GSE1: variants seen among roughly 807,000 people sequenced by gnomAD.
GSE1 encodes the protein Gse1 coiled-coil protein, also known as genetic suppressor element 1.
A neutral mutation model predicts 112.6 loss-of-function variants in GSE1; 32 were observed. The observed-to-expected ratio is 0.28, with a 90% confidence interval of 0.21 to 0.38. The LOEUF is 0.38. Among genes scored for constraint, GSE1 ranks in the 10% least tolerant of loss-of-function variants. The probability of loss-of-function intolerance (pLI) is 1.00; values close to 1 mark genes in which losing one functional copy is unlikely to be tolerated. For synonymous variants in GSE1, 1,115 were observed against 735.6 expected (o/e 1.52, Z -8.35); for missense variants, 2,348 against 1,699.2 (o/e 1.38, Z -6.71).
intron 1 of GSE1, among the ~76,000 whole-genome samples, chr16:85,180,792 G>T (rs904255661): frequency 1.5e-4 from 23 of 152,168 alleles, no homozygotes; most frequent in Admixed American, 1.2e-3. Context: ...AAGGTAGATG[G>T]GGTCAGGAAG....
intron 2 of GSE1, among the ~76,000 whole-genome samples, chr16:85,488,661 C>T (rs552533118): frequency 3.7e-4 from 56 of 152,180 alleles, no homozygotes; most frequent in Non-Finnish European, 6.5e-4. Flanking sequence ...TTCCGGAGGT[C>T]ATGAAGTTGG....
At chr16:85,347,047 T>C (rs1427629914) in intron 1 of GSE1, among the ~76,000 whole-genome samples, 1 of 152,086 alleles carries the variant, frequency 6.6e-6, no homozygotes, top group Non-Finnish European at 1.5e-5. Flanking sequence ...GTCAGAACTT[T>C]GGTAAGGGGT....
chr16:85,394,075 C>T (rs1449878169), intron 2 of GSE1, among the ~76,000 whole-genome samples: 1 of 152,178 alleles, frequency 6.6e-6, no homozygotes, highest in East Asian at 1.9e-4. Context: ...TTCGGGCTCA[C>T]TGCTGGCTCC....
intron 2 of GSE1, among the ~76,000 whole-genome samples, chr16:85,543,517 C>T (rs1010464202): frequency 6.6e-6 from 1 of 152,174 alleles, no homozygotes; most frequent in African/African-American, 2.4e-5. Flanking sequence ...TGCATGAGCC[C>T]TGCTGGGGGG....
At chr16:85,500,893 G>GCACGTGGCT (rs1567540225) in intron 2 of GSE1, among the ~76,000 whole-genome samples, 1 of 151,650 alleles carries the variant, frequency 6.6e-6, no homozygotes, top group African/African-American at 2.4e-5. Flanking sequence ...GCCTCTGTCA[G>GCACGTGGCT]CACGTGGCTG....
chr16:85,315,091 G>C (rs1405910103), intron 1 of GSE1, among the ~76,000 whole-genome samples: 2 of 152,188 alleles, frequency 1.3e-5, no homozygotes, highest in African/African-American at 2.4e-5. Context: ...ATATTTGGGA[G>C]TGCCCCACCC....
chr16:85,396,133 C>G (rs1399681793), intron 2 of GSE1, among the ~76,000 whole-genome samples: 1 of 152,240 alleles, frequency 6.6e-6, no homozygotes. Context: ...GGAAAACTCA[C>G]TGGGACCCCA....
chr16:85,484,536 G>A (rs1389373817), intron 2 of GSE1, among the ~76,000 whole-genome samples: 4 of 152,236 alleles, frequency 2.6e-5, no homozygotes, highest in Non-Finnish European at 5.9e-5. Context: ...CCAGGGAGAC[G>A]CCTCCGCGAC....
intron 2 of GSE1, among the ~76,000 whole-genome samples, chr16:85,503,010 G>A (rs1392334063): frequency 2.0e-5 from 3 of 152,226 alleles, no homozygotes; most frequent in South Asian, 2.1e-4. Context: ...GCTGGGAAAG[G>A]CCCCATGAGG....
intron 2 of GSE1, among the ~76,000 whole-genome samples, chr16:85,452,910 T>TC (rs149407577): frequency 0.034 from 5,174 of 152,104 alleles, 301 homozygotes; most frequent in African/African-American, 0.12. Flanking sequence ...GGGTGGTCGC[T>TC]CGGTGCCTCC....
At chr16:85,283,089 G>C (rs954467630) in intron 1 of GSE1, 5 of 152,716 alleles carry the variant, frequency 3.3e-5, no homozygotes, top group Admixed American at 2.0e-4. Context: ...CTCCAAAGTG[G>C]GCCTCTGCAC....
intron 1 of GSE1, among the ~76,000 whole-genome samples, chr16:85,208,947 C>CT (rs2075172030): frequency 6.9e-6 from 1 of 145,288 alleles, no homozygotes; most frequent in Non-Finnish European, 1.5e-5. Flanking sequence ...TGGGGTTCGC[C>CT]GCATGTTGGG....
intron 1 of GSE1, among the ~76,000 whole-genome samples, chr16:85,630,375 G>T (rs1039837539): frequency 1.3e-5 from 2 of 152,200 alleles, no homozygotes; most frequent in African/African-American, 2.4e-5. Flanking sequence ...TGAGAGACAG[G>T]GTTCTGTTAC....
intron 2 of GSE1, among the ~76,000 whole-genome samples, chr16:85,425,423 T>G (rs150029269): frequency 6.8e-4 from 103 of 152,010 alleles, no homozygotes; most frequent in African/African-American, 2.4e-3. Flanking sequence ...TGGAGGCAGG[T>G]GTGCTGCCGG....
chr16:85,196,557 G>T (rs956832312), intron 1 of GSE1, among the ~76,000 whole-genome samples: 1 of 152,162 alleles, frequency 6.6e-6, no homozygotes, highest in African/African-American at 2.4e-5. Context: ...TGCCCAGGGG[G>T]AGTTTGGAGA....
chr16:85,348,607 TG>T (rs2151554814), intron 1 of GSE1, among the ~76,000 whole-genome samples: 1 of 152,320 alleles, frequency 6.6e-6, no homozygotes, highest in African/African-American at 2.4e-5. Flanking sequence ...CTGTGCCTGC[TG>T]GAAGAGGATC....
intron 1 of GSE1, among the ~76,000 whole-genome samples, chr16:85,264,210 A>T (rs1400532470): frequency 6.6e-6 from 1 of 152,026 alleles, no homozygotes; most frequent in African/African-American, 2.4e-5. Flanking sequence ...CTGAGGTTTC[A>T]TGTTGGGGTA....
chr16:85,654,877 C>T lies in GSE1; in HGVS notation c.683C>T (p.Thr228Ile). Residue 228 changes from threonine to isoleucine, a missense_variant, in exon 5 of 16, where the codon ACC becomes ATC. By Grantham distance (89) the Thr-to-Ile change is moderately conservative. Coordinates refer to ENST00000253458, the MANE Select transcript of GSE1 (RefSeq NM_014615.5). ...AGAAGCTTCCGGCCCTACCACACCA[C>T]CGACGACCTCCGCATGTCCTCACTG... ...YLRSFRPYHT[T>I]DDLRMSSLPP... The T allele has an allele frequency of 3.7e-6, 6 of 1,611,498 alleles. No homozygotes were observed. The highest frequency in any genetic ancestry group is 5.1e-6 in the Non-Finnish European group (6 of 1,179,050).
chr16:85,636,269 C>T (rs562374574), intron 2 of GSE1, among the ~76,000 whole-genome samples: 11 of 152,348 alleles, frequency 7.2e-5, no homozygotes, highest in Middle Eastern at 3.4e-3. Context: ...ATGTGCCCAT[C>T]GGTTCACTCA....
Sources: gnomAD v4.1 joint callset for allele counts (sites outside exome capture counted in the v4.1 genomes callset) on GRCh38, gnomAD v4.1.1 for gene constraint, MANE v1.5 for transcripts, NCBI Gene and HGNC (gene_info 2026-07-23, HGNC 2026-07-21) for gene names.